FOXL3: variants seen among roughly 807,000 people sequenced by gnomAD.
The protein encoded by FOXL3 is forkhead box L3, also known as forkhead box protein L3.
A neutral mutation model predicts 10.9 loss-of-function variants in FOXL3; 16 were observed. The ratio of observed to expected loss-of-function variants is 1.46; its 90% CI spans 0.99 to 2.22. The LOEUF is 2.22. Ranked by LOEUF, FOXL3 falls within the 30% of genes most tolerant of loss-of-function variation. The pLI, the probability that FOXL3 is intolerant of heterozygous loss-of-function variation, is 0.00. For synonymous variants in FOXL3, 170 were observed against 152.0 expected (o/e 1.12, Z -0.87); for missense variants, 400 against 337.9 (o/e 1.18, Z -1.44).
rs1430044112 is a variant in FOXL3 at position 290,221 on chromosome 7, G to T, written c.52G>T (p.Asp18Tyr). 3 of 1,535,814 alleles carry T rather than the reference G, an allele frequency of 2.0e-6. No homozygotes were observed. Among genetic ancestry groups the T allele is most frequent in the Non-Finnish European group, 2.6e-6 (3 of 1,146,786 alleles). ...CAACTGCTTCAATTACGACGCCGAC[G>T]ACTACCCCGCCGGCAGCTCCGACGA... ...PYNCFNYDAD[D>Y]YPAGSSDEDK... Residue 18 changes from aspartate (D) to tyrosine (Y), a missense_variant, in exon 1 of 3, where the codon GAC (aspartate) becomes TAC (tyrosine). Asp to Tyr is a radical substitution (Grantham distance 160, BLOSUM62 -3). Coordinates refer to ENST00000506382, the MANE Select transcript of FOXL3 (RefSeq NM_001374838.1).
Position 290,220 on chromosome 7 carries a change from C to T in FOXL3, c.51C>T (p.Asp17=), listed in dbSNP as rs1193640013. ...YPYNCFNYDA[D]DYPAGSSDED... The stretch of plus-strand genomic sequence containing the variant: ...ACAACTGCTTCAATTACGACGCCGA[C>T]GACTACCCCGCCGGCAGCTCCGACG... The change falls in exon 1 of 3, where the codon GAC becomes GAT. Residue 17 remains aspartate (D), a synonymous_variant. Transcript: ENST00000506382. The T allele has an allele frequency of 5.2e-6, 8 of 1,535,850 alleles. No individual in the cohort carries two copies. Among genetic ancestry groups the T allele is most frequent in the Non-Finnish European group, 7.0e-6 (8 of 1,146,794 alleles).
At position 290,687 on chromosome 7, in the gene FOXL3, A is replaced by G. The variant is rs1562414923; in HGVS notation, c.142A>G (p.Ser48Gly). ...IALIAMAIQQSPAGRVTLSGI... is the reference protein window; with the variant it reads ...IALIAMAIQQGPAGRVTLSGI... ...CTTGATCGCCATGGCCATTCAGCAG[A>G]GCCCCGCGGGGAGGGTGACCCTGTC... The change falls in exon 2 of 3, where the codon AGC becomes GGC. Residue 48 changes from serine to glycine, a missense_variant. Coordinates refer to ENST00000506382, the MANE Select transcript of FOXL3 (RefSeq NM_001374838.1). The G allele has an allele frequency of 2.2e-5, 31 of 1,434,698 alleles. No homozygotes were observed. Among genetic ancestry groups the G allele is most frequent in the Non-Finnish European group, 2.8e-5 (31 of 1,099,770 alleles). 88.9% of individuals were successfully genotyped at this position (1,434,698 alleles called of 1,614,324 possible).
Position 291,381 on chromosome 7 carries a change from A to G in FOXL3, c.595A>G (p.Ile199Val). 7.6e-7 allele frequency: 1 copy of G among 1,317,844 alleles called. No homozygotes were observed. The highest frequency in any genetic ancestry group is 9.7e-7 in the Non-Finnish European group (1 of 1,033,146). The allele number at this position is 1,317,844 out of a possible 1,614,324, so 81.6% of individuals were successfully genotyped here. A position where few individuals can be genotyped will look rare whatever the true frequency, so the allele number is the denominator to read the frequency against. The change falls in exon 3 of 3, where the codon ATC (isoleucine) becomes GTC (valine). Residue 199 changes from isoleucine (I) to valine (V), a missense_variant. Physicochemically the swap from Ile to Val is conservative, Grantham distance 29. Coordinates refer to ENST00000506382, the MANE Select transcript of FOXL3 (RefSeq NM_001374838.1). ...PRDLKFSIDYILSSPDPFPGL... is the reference protein window; with the variant it reads ...PRDLKFSIDYVLSSPDPFPGL... ...GGACCTCAAGTTCAGCATCGACTAC[A>G]TCCTGTCCTCCCCAGACCCCTTCCC...
chr7:291,419 G>T lies in FOXL3; in HGVS notation c.633G>T (p.Pro211=). 3.2e-6 allele frequency: 4 copies of T among 1,260,318 alleles called. No homozygotes were observed. Among genetic ancestry groups the T allele is most frequent in the South Asian group, 3.1e-5 (1 of 32,584 alleles). The allele number at this position is 1,260,318 out of a possible 1,614,324, so 78.1% of individuals were successfully genotyped here. Residue 211 remains proline, a synonymous_variant, in exon 3 of 3, where the codon CCG becomes CCT. Transcript: ENST00000506382. ...CAGACCCCTTCCCTGGGCTCAAGCC[G>T]CCCTGCCTCGCACAAGAGGGCAGAT... ...SSPDPFPGLK[P]PCLAQEGRYP...
chr7:291,087 A>T lies in FOXL3; in HGVS notation c.301A>T (p.Lys101Ter). The change falls in exon 3 of 3, where the codon AAG becomes TAG. Residue 101 changes from lysine to a stop codon, truncating the protein, a stop_gained. Transcript: ENST00000506382. LOFTEE classifies it low-confidence loss of function (END_TRUNC). ...GGTGCCGCGGTCCGAGGGCCACGAG[A>T]AGGGCAAAGGCAACTACTGGACGTT... ...VKVPRSEGHE[K>*]GKGNYWTFAG... is the part of the protein sequence containing the mutation. The T allele has an allele frequency of 7.1e-7, 1 of 1,418,274 alleles. No individual in the cohort carries two copies. Among genetic ancestry groups the T allele is most frequent in the African/African-American group, 1.5e-5 (1 of 66,384 alleles). 87.9% of individuals were successfully genotyped at this position (1,418,274 alleles called of 1,614,324 possible).
At chr7:290,913 G>A in intron 2 of FOXL3, 92 bp downstream of exon 2, 2 of 1,304,526 alleles carry the variant, frequency 1.5e-6, no homozygotes, top group Non-Finnish European at 2.0e-6. Flanking sequence ...CACCGCGGCG[G>A]CTTCAGGGAG....
At position 290,643 on chromosome 7, in the gene FOXL3, G is replaced by A. The variant is rs146190797; in HGVS notation, c.108-10G>A. On this transcript the variant is annotated splice_polypyrimidine_tract_variant and intron_variant, in intron 1 of 2. Transcript: ENST00000506382. The stretch of plus-strand genomic sequence containing the variant: ...CGGTGGAGACCCCGCCTGACCCCCG[G>A]GCTCCGCAGCTACATCGCCTTGATC... The A allele has an allele frequency of 1.5e-3, 2,053 of 1,407,762 alleles. 29 individuals carry two copies. The African/African-American group carries it at 0.025, about 17-fold the overall frequency. 87.2% of individuals were successfully genotyped at this position (1,407,762 alleles called of 1,614,324 possible). A position where few individuals can be genotyped will look rare whatever the true frequency, so the allele number is the denominator to read the frequency against.
rs995226300 is a variant in FOXL3, at chr7:290,528, T to G, written c.108-125T>G. ...CTGGGTGGCGCCGGGGACCGCGAGC[T>G]GCGGGGACACTTTCCCCAACACCGC... On this transcript the variant is annotated intron_variant, in intron 1 of 2. Transcript: ENST00000506382. The G allele has an allele frequency of 3.1e-5, 32 of 1,024,132 alleles. No homozygotes were observed. In the African/African-American group the frequency reaches 5.2e-4, roughly 17 times the overall value. 63.4% of individuals were successfully genotyped at this position (1,024,132 alleles called of 1,614,324 possible).
Position 290,618 on chromosome 7 carries a change from C to T in FOXL3, c.108-35C>T, listed in dbSNP as rs980111644. ...ATGGGGGGAAGGACGGGGGGCTGCC[C>T]GGTGGAGACCCCGCCTGACCCCCGG... On this transcript the variant is annotated intron_variant, in intron 1 of 2. Transcript: ENST00000506382. The T allele has an allele frequency of 9.9e-6, 14 of 1,411,092 alleles. No homozygotes were observed. The Admixed American group carries it at 2.1e-4, about 21-fold the overall frequency. The allele number at this position is 1,411,092 out of a possible 1,614,324, so 87.4% of individuals were successfully genotyped here.
intron 2 of FOXL3, 88 bp from the exon 3 acceptor site, chr7:290,975 G>A (rs1430357609): frequency 1.1e-5 from 14 of 1,285,874 alleles, no homozygotes; most frequent in Non-Finnish European, 2.0e-6. Context: ...CGCCACCCTC[G>A]CCCCGGTCCA....
rs1403928106 is a variant in FOXL3, at chr7:291,074, C to G, written c.288C>G (p.Ser96=). 14 of 1,412,258 alleles carry G rather than the reference C, an allele frequency of 9.9e-6. No homozygotes were observed. The highest frequency in any genetic ancestry group is 1.3e-5 in the Non-Finnish European group (14 of 1,084,358). 87.5% of individuals were successfully genotyped at this position (1,412,258 alleles called of 1,614,324 possible). A position where few individuals can be genotyped will look rare whatever the true frequency, so the allele number is the denominator to read the frequency against. ...CTCCGCGCGCGCAGGTGCCGCGGTCCGAGGGCCACGAGAAGGGCAAAGGCA... is the reference window on the plus strand; with the variant it reads ...CTCCGCGCGCGCAGGTGCCGCGGTCGGAGGGCCACGAGAAGGGCAAAGGCA... The part of the protein sequence containing the change: ...LNSCFVKVPR[S]EGHEKGKGNY... Residue 96 remains serine, a synonymous_variant, in exon 3 of 3, where the codon TCC becomes TCG. Coordinates refer to ENST00000506382, the MANE Select transcript of FOXL3 (RefSeq NM_001374838.1).
Position 290,810 on chromosome 7 carries a change from T to G in FOXL3, c.265T>G (p.Cys89Gly). The G allele has an allele frequency of 6.8e-7, 1 of 1,475,460 alleles. No homozygotes were observed. Among genetic ancestry groups the G allele is most frequent in the Non-Finnish European group, 9.0e-7 (1 of 1,117,056 alleles). The allele number at this position is 1,475,460 out of a possible 1,614,324, so 91.4% of individuals were successfully genotyped here. The change falls in exon 2 of 3, where the codon TGC becomes GGC. Residue 89 changes from cysteine (C) to glycine (G), a missense_variant. By Grantham distance (159) the Cys-to-Gly change is radical. Transcript: ENST00000506382. ...SIRHNLSLNS[C>G]FVKVPRSEGH... The stretch of plus-strand genomic sequence containing the variant: ...CCGCCACAACCTGTCCCTCAACAGC[T>G]GCTTCGTCAAGGTGAGCGCCGCCCC...
rs1017702171 is a variant in FOXL3 at position 290,845 on chromosome 7, C to T, written c.276+24C>T. The T allele has an allele frequency of 3.6e-6, 5 of 1,393,880 alleles. No homozygotes were observed. In the African/African-American group the frequency reaches 7.6e-5, roughly 21 times the overall value. 86.3% of individuals were successfully genotyped at this position (1,393,880 alleles called of 1,614,324 possible). A position where few individuals can be genotyped will look rare whatever the true frequency, so the allele number is the denominator to read the frequency against. ...AGGTGAGCGCCGCCCCCGACGGGCCCCGGGTGTCCCAGCGTGGCGACACCT... is the reference window on the plus strand; with the variant it reads ...AGGTGAGCGCCGCCCCCGACGGGCCTCGGGTGTCCCAGCGTGGCGACACCT... On this transcript the variant is annotated intron_variant, in intron 2 of 2. Transcript: ENST00000506382.
chr7:290,944 G>A lies in FOXL3; in HGVS notation c.277-119G>A, dbSNP rs551903416. 2.6e-4 allele frequency: 328 copies of A among 1,276,898 alleles called. 2 individuals carry two copies. The African/African-American group carries it at 4.6e-3, about 18-fold the overall frequency. The allele number at this position is 1,276,898 out of a possible 1,614,324, so 79.1% of individuals were successfully genotyped here. Reference sequence around the variant, plus strand: ...GGGAGGTCCGTCCTCAGCCCACGGGGCCGCCTCCACCTGCGCAGTGCGCCA... The same window carrying A: ...GGGAGGTCCGTCCTCAGCCCACGGGACCGCCTCCACCTGCGCAGTGCGCCA... On this transcript the variant is annotated intron_variant, in intron 2 of 2. Transcript: ENST00000506382.
At position 290,256 on chromosome 7, in the gene FOXL3, G is replaced by T; in HGVS notation, c.87G>T (p.Arg29Ser). The change falls in exon 1 of 3, where the codon AGG becomes AGT. Residue 29 changes from arginine (R) to serine (S), a missense_variant. By Grantham distance (110) the Arg-to-Ser change is moderately radical (BLOSUM62 -1). Coordinates refer to ENST00000506382, the MANE Select transcript of FOXL3 (RefSeq NM_001374838.1). ...YPAGSSDEDKRLTRPAYSYIA... is the reference protein window; with the variant it reads ...YPAGSSDEDKSLTRPAYSYIA... ...CCGGCAGCTCCGACGAAGACAAGAG[G>T]CTCACGCGGCCCGCGTACAGGTGAC... is the stretch of plus-strand genomic sequence containing the variant. The T allele has an allele frequency of 6.5e-7, 1 of 1,535,910 alleles. No homozygotes were observed. The highest frequency in any genetic ancestry group is 8.7e-7 in the Non-Finnish European group (1 of 1,146,766).
rs1000977396 is a variant in FOXL3 at position 291,235 on chromosome 7, C to T, written c.449C>T (p.Pro150Leu). The T allele has an allele frequency of 1.2e-4, 137 of 1,161,320 alleles. No individual in the cohort carries two copies. The highest frequency in any genetic ancestry group is 1.1e-4 in the Non-Finnish European group (104 of 943,462). The allele number at this position is 1,161,320 out of a possible 1,614,324, so 71.9% of individuals were successfully genotyped here. A position where few individuals can be genotyped will look rare whatever the true frequency, so the allele number is the denominator to read the frequency against. The change falls in exon 3 of 3, where the codon CCG becomes CTG. Residue 150 changes from proline (P) to leucine (L), a missense_variant. Transcript: ENST00000506382. ...RGPRAGGAQG[P>L]SGPSEPPAAQ... ...CCGCGCGCGGGGGGCGCCCAGGGGC[C>T]GTCGGGTCCGTCCGAGCCGCCCGCC...
chr7:291,063 G>A lies in FOXL3; in HGVS notation c.277G>A (p.Val93Met). ...NLSLNSCFVK[V>M]PRSEGHEKGK... Reference sequence around the variant, plus strand: ...CCAGCCCCTCCCTCCGCGCGCGCAGGTGCCGCGGTCCGAGGGCCACGAGAA... The same window carrying A: ...CCAGCCCCTCCCTCCGCGCGCGCAGATGCCGCGGTCCGAGGGCCACGAGAA... The change falls in exon 3 of 3, where the codon GTG (valine) becomes ATG (methionine). Residue 93 changes from valine (V) to methionine (M), a missense_variant and splice_region_variant. Transcript: ENST00000506382. 4 of 1,395,360 alleles carry A rather than the reference G, an allele frequency of 2.9e-6. No homozygotes were observed. The highest frequency in any genetic ancestry group is 1.9e-4 in the Middle Eastern group (1 of 5,392). The allele number at this position is 1,395,360 out of a possible 1,614,324, so 86.4% of individuals were successfully genotyped here.
Position 291,161 on chromosome 7 carries a change from C to CCGGCGG in FOXL3, c.390_395dup (p.Arg131_Arg132dup), listed in dbSNP as rs528929946. The CCGGCGG allele has an allele frequency of 3.7e-5, 48 of 1,297,558 alleles. No homozygotes were observed. The highest frequency in any genetic ancestry group is 1.7e-4 in the East Asian group (5 of 30,000). The allele number at this position is 1,297,558 out of a possible 1,614,324, so 80.4% of individuals were successfully genotyped here. On this transcript the variant is annotated inframe_insertion, in exon 3 of 3. Transcript: ENST00000506382. ...TGGACCTCTTCGAGAACGGCAACTA[C>CCGGCGG]CGGCGGCGGCGGCGGCGGCGCGGCC...
At position 291,460 on chromosome 7, in the gene FOXL3, A is replaced by C; in HGVS notation, c.674A>C (p.Asn225Thr). The C allele has an allele frequency of 8.1e-7, 1 of 1,238,674 alleles. No homozygotes were observed. Among genetic ancestry groups the C allele is most frequent in the Non-Finnish European group, 1.0e-6 (1 of 990,334 alleles). The allele number at this position is 1,238,674 out of a possible 1,614,324, so 76.7% of individuals were successfully genotyped here. ...AQEGRYPRLENVGLHFWTM is the reference protein window; with the variant it reads ...AQEGRYPRLETVGLHFWTM ...GAGGGCAGATACCCGCGGCTGGAGA[A>C]CGTGGGACTCCACTTTTGGACAATG... The change falls in exon 3 of 3, where the codon AAC becomes ACC. Residue 225 changes from asparagine (N) to threonine (T), a missense_variant. Asn to Thr is a moderately conservative substitution (Grantham distance 65, BLOSUM62 0). Transcript: ENST00000506382.
Sources: allele counts gnomAD v4.1 joint callset, GRCh38; gene constraint gnomAD v4.1.1; transcripts MANE v1.5; gene names NCBI Gene and HGNC (gene_info 2026-07-23, HGNC 2026-07-21).